MYLIP: variants seen among roughly 807,000 people sequenced by gnomAD.
MYLIP encodes myosin regulatory light chain interacting protein.
A neutral mutation model predicts 45.8 loss-of-function variants in MYLIP; 26 were observed. The observed-to-expected ratio is 0.57, with a 90% confidence interval of 0.42 to 0.79. The LOEUF (loss-of-function observed/expected upper bound fraction) is 0.79, where lower values mean the gene tolerates loss of function less well. MYLIP is among the 30% of genes least tolerant of loss of function. The probability of loss-of-function intolerance (pLI) is 0.00; values close to 1 mark genes in which losing one functional copy is unlikely to be tolerated. For missense variants in MYLIP, 494 were observed against 555.6 expected (o/e 0.89, Z 1.11); for synonymous variants, 213 against 218.1 (o/e 0.98, Z 0.21).
At chr6:16,146,038 A>G (rs1759783435) in intron 6 of MYLIP, among the ~76,000 whole-genome samples, 1 of 152,230 alleles carries the variant, frequency 6.6e-6, no homozygotes, top group Non-Finnish European at 1.5e-5. Context: ...TGCTAATTTC[A>G]GAGCTAATAA....
chr6:16,142,414 C>G (rs948144285), intron 3 of MYLIP, among the ~76,000 whole-genome samples: 1 of 152,208 alleles, frequency 6.6e-6, no homozygotes, highest in Non-Finnish European at 1.5e-5. Flanking sequence ...ACCAGGAGAT[C>G]TAACATAGGC....
chr6:16,146,843 C>A lies in MYLIP; in HGVS notation c.*92C>A. On this transcript the variant is annotated 3_prime_UTR_variant, in exon 7 of 7. Coordinates refer to ENST00000356840, the MANE Select transcript of MYLIP (RefSeq NM_013262.4). The stretch of plus-strand genomic sequence containing the variant: ...TAGATTGTGGAGAAAGTAATTATTC[C>A]AACACCCATCTGCCATGCGATGTTA... The A allele has an allele frequency of 2.8e-6, 3 of 1,069,804 alleles. No homozygotes were observed. Among genetic ancestry groups the A allele is most frequent in the Non-Finnish European group, 4.1e-6 (3 of 737,636 alleles). The allele number at this position is 1,069,804 out of a possible 1,614,324, so 66.3% of individuals were successfully genotyped here.
chr6:16,162,046 G>T, the MYLIP span, among the ~76,000 whole-genome samples: 148 of 152,342 alleles, frequency 9.7e-4, 1 homozygote, highest in African/African-American at 3.2e-3. Context: ...ATATTTGTGA[G>T]AATTTGTAAT....
intron 2 of MYLIP, among the ~76,000 whole-genome samples, chr6:16,138,605 G>C (rs1369137966): frequency 6.6e-6 from 1 of 152,094 alleles, no homozygotes; most frequent in East Asian, 1.9e-4. Context: ...ATTTTGATGG[G>C]ATATGTCCCT....
Position 16,129,489 on chromosome 6 carries a change from G to A in MYLIP, c.87+80G>A, listed in dbSNP as rs1759409584. On this transcript the variant is annotated intron_variant, in intron 1 of 6. Coordinates refer to ENST00000356840, the MANE Select transcript of MYLIP (RefSeq NM_013262.4). The surrounding 1 kb of genome is among the most constrained non-coding windows in gnomAD (Gnocchi z 5.1). ...TCGCAGCGACGCCTGGCACTCTGGC[G>A]CGCCCCCTACTAGGGGCCGGGAGGC... 2.1e-6 allele frequency: 3 copies of A among 1,417,166 alleles called. No homozygotes were observed. In the South Asian group the frequency reaches 3.7e-5, roughly 18 times the overall value. 87.8% of individuals were successfully genotyped at this position (1,417,166 alleles called of 1,614,324 possible).
At chr6:16,163,234 C>CA in the MYLIP span, 1 of 152,106 alleles carries the variant, frequency 6.6e-6, no homozygotes, top group African/African-American at 2.4e-5. Context: ...TACCTGCAGC[C>CA]AAAAGCATTG....
At chr6:16,161,917 A>G in the MYLIP span, among the ~76,000 whole-genome samples, 4 of 152,220 alleles carry the variant, frequency 2.6e-5, no homozygotes, top group Admixed American at 2.6e-4. Context: ...AAGGGCTAAG[A>G]AAAGGGAGAT....
downstream of MYLIP, among the ~76,000 whole-genome samples, chr6:16,152,293 CATT>C (rs1299435923): frequency 6.6e-6 from 1 of 152,164 alleles, no homozygotes; most frequent in African/African-American, 2.4e-5. Context: ...TTAACTTGGG[CATT>C]GATTTATTAA....
chr6:16,135,775 A>ATATATATATATATG (rs1220728725), intron 2 of MYLIP, among the ~76,000 whole-genome samples: 1 of 146,182 alleles, frequency 6.8e-6, no homozygotes, highest in East Asian at 2.0e-4. Context: ...ATATATATAT[A>ATATATATATATATG]TATGTATGCT....
chr6:16,146,799 T>G lies in MYLIP; in HGVS notation c.*48T>G. ...TGGCATGTTTCCATGAACTGCACTA[T>G]TATAAACTATTAAAATGATAGATTG... is the stretch of plus-strand genomic sequence containing the variant. On this transcript the variant is annotated 3_prime_UTR_variant, in exon 7 of 7. Coordinates refer to ENST00000356840, the MANE Select transcript of MYLIP (RefSeq NM_013262.4). 7.2e-7 allele frequency: 1 copy of G among 1,396,782 alleles called. No individual in the cohort carries two copies. Among genetic ancestry groups the G allele is most frequent in the South Asian group, 1.2e-5 (1 of 81,880 alleles). 86.5% of individuals were successfully genotyped at this position (1,396,782 alleles called of 1,614,324 possible). A position where few individuals can be genotyped will look rare whatever the true frequency, so the allele number is the denominator to read the frequency against.
chr6:16,161,322 T>C, the MYLIP span: 1 of 319,574 alleles, frequency 3.1e-6, no homozygotes, highest in East Asian at 9.1e-5. Context: ...CAGCTTCAGA[T>C]GGGTGCCCAC....
At chr6:16,150,054 A>C (rs765177794), downstream of MYLIP, among the ~76,000 whole-genome samples, 2 of 152,242 alleles carry the variant, frequency 1.3e-5, no homozygotes, top group Non-Finnish European at 2.9e-5. Flanking sequence ...TTTCACTGAT[A>C]TTTGAAGACA....
At chr6:16,146,387 C>T (rs1759790509) in intron 6 of MYLIP, among the ~76,000 whole-genome samples, 2 of 152,216 alleles carry the variant, frequency 1.3e-5, no homozygotes, top group South Asian at 4.1e-4. Flanking sequence ...TCAGTAATTG[C>T]TTTATTCAAT....
intron 6 of MYLIP, among the ~76,000 whole-genome samples, chr6:16,145,618 CCTCCTGAGGCCTGGCCCAGGG>C (rs1009613620): frequency 7.9e-5 from 12 of 152,294 alleles, no homozygotes; most frequent in African/African-American, 2.9e-4. Context: ...AGAATCCAGG[CCTCCTGAGGCCTGGCCCAGGG>C]CTGCTTCCTC....
the MYLIP span, among the ~76,000 whole-genome samples, chr6:16,157,982 G>A: frequency 1.3e-5 from 2 of 152,120 alleles, no homozygotes; most frequent in Non-Finnish European, 2.9e-5. Flanking sequence ...TGTTTTATTG[G>A]GCCAAAAGTC....
downstream of MYLIP, among the ~76,000 whole-genome samples, chr6:16,152,166 A>T (rs1053448122): frequency 6.6e-6 from 1 of 152,258 alleles, no homozygotes; most frequent in African/African-American, 2.4e-5. Flanking sequence ...GGACAGAAGT[A>T]GAGCCAGTTC....
chr6:16,149,995 A>T (rs1225258208), downstream of MYLIP, among the ~76,000 whole-genome samples: 2 of 152,170 alleles, frequency 1.3e-5, no homozygotes, highest in Non-Finnish European at 2.9e-5. Flanking sequence ...GTGGGTTGGA[A>T]CTTCCAGAGG....
chr6:16,141,432 C>A, intron 2 of MYLIP, 193 bp from the exon 3 acceptor site: 1 of 450,458 alleles, frequency 2.2e-6, no homozygotes, highest in Non-Finnish European at 3.9e-6. Flanking sequence ...AACTTTTATT[C>A]CAGAGAAACG....
chr6:16,132,770 A>T (rs1018149212), intron 2 of MYLIP, among the ~76,000 whole-genome samples: 1 of 152,238 alleles, frequency 6.6e-6, no homozygotes, highest in Non-Finnish European at 1.5e-5. Flanking sequence ...ATGCTAGCAA[A>T]TGAAGCTGGT....
Sources: allele counts gnomAD v4.1 joint callset (sites outside exome capture counted in the v4.1 genomes callset), GRCh38; gene constraint gnomAD v4.1.1; non-coding constraint Gnocchi (gnomAD v3.1); transcripts MANE v1.5; gene names NCBI Gene and HGNC (gene_info 2026-07-23, HGNC 2026-07-21).